Variants in GPM6A observed in about 807,000 individuals in gnomAD.
GPM6A encodes the protein neuronal membrane glycoprotein M6-a.
A neutral mutation model predicts 32.1 loss-of-function variants in GPM6A; 7 were observed. The ratio of observed to expected loss-of-function variants is 0.22; its 90% CI spans 0.12 to 0.41. The LOEUF (loss-of-function observed/expected upper bound fraction) is 0.41. GPM6A is among the 10% of genes least tolerant of loss of function. The probability of loss-of-function intolerance (pLI) is 1.00; values close to 1 mark genes in which losing one functional copy is unlikely to be tolerated. For missense variants in GPM6A, 235 were observed against 347.2 expected, an observed-to-expected ratio of 0.68 and a Z score of 2.57; for synonymous variants, 130 against 123.4, an observed-to-expected ratio of 1.05 and a Z score of -0.35.
At chr4:175,637,718 TATATA>T (rs1228046770) in intron 6 of GPM6A, among the ~76,000 whole-genome samples, 1 of 86,374 alleles carries the variant, frequency 1.2e-5, no homozygotes, top group East Asian at 2.8e-4. Flanking sequence ...TATATATTTA[TATATA>T]ATATATTATA....
At chr4:175,886,991 T>C (rs1414005503) in intron 1 of GPM6A, among the ~76,000 whole-genome samples, 1 of 152,074 alleles carries the variant, frequency 6.6e-6, no homozygotes, top group Non-Finnish European at 1.5e-5. Context: ...ATAGCTAATT[T>C]AATATCACTA....
intron 2 of GPM6A, among the ~76,000 whole-genome samples, chr4:175,690,684 T>C (rs1744247248): frequency 6.6e-6 from 1 of 152,222 alleles, no homozygotes; most frequent in African/African-American, 2.4e-5. Context: ...TGGCTCTCTG[T>C]TCCCCTCTCA....
intron 1 of GPM6A, among the ~76,000 whole-genome samples, chr4:175,895,782 A>AG (rs1446394020): frequency 6.6e-6 from 1 of 152,210 alleles, no homozygotes; most frequent in Non-Finnish European, 1.5e-5. Flanking sequence ...TATACTGTAT[A>AG]TGATGTATGG....
chr4:175,708,996 T>A (rs1178652778), intron 1 of GPM6A, among the ~76,000 whole-genome samples: 1 of 152,224 alleles, frequency 6.6e-6, no homozygotes. Context: ...ACTACTGATC[T>A]AATACGCTGA....
intron 1 of GPM6A, among the ~76,000 whole-genome samples, chr4:175,923,250 C>T (rs559241390): frequency 2.4e-4 from 28 of 115,792 alleles, no homozygotes; most frequent in African/African-American, 8.6e-4. Context: ...TATATATACA[C>T]AACATACAAG....
chr4:175,767,354 G>A (rs753659604), intron 1 of GPM6A, among the ~76,000 whole-genome samples: 5 of 152,196 alleles, frequency 3.3e-5, no homozygotes, highest in Non-Finnish European at 5.9e-5. Flanking sequence ...GGGACAGGAA[G>A]ATGATTTCTC....
chr4:175,921,475 C>T lies in GPM6A; in HGVS notation c.-23+80834G>A, dbSNP rs560587342. 2.5e-3 allele frequency among the ~76,000 whole-genome samples: 383 copies of T among 151,434 alleles called. 2 individuals carry two copies. Among genetic ancestry groups the T allele is most frequent in the Middle Eastern group, 6.8e-3 (2 of 294 alleles). ...TAATCAGAGTCTTTAAGTAAATCCA[C>T]GCATGATCCTGCCAAAAAAAAATCA... is the stretch of plus-strand genomic sequence containing the variant. On this transcript the variant is annotated intron_variant, in intron 1 of 7. Transcript: ENST00000280187.
At chr4:175,847,353 G>A (rs1481309359) in intron 1 of GPM6A, among the ~76,000 whole-genome samples, 1 of 152,098 alleles carries the variant, frequency 6.6e-6, no homozygotes, top group Non-Finnish European at 1.5e-5. Flanking sequence ...AATATTAAAT[G>A]GAAAATTCCA....
intron 1 of GPM6A, among the ~76,000 whole-genome samples, chr4:175,714,243 G>A (rs1424585316): frequency 6.6e-6 from 1 of 152,114 alleles, no homozygotes; most frequent in East Asian, 1.9e-4. Context: ...GGATATGCAT[G>A]TTAATACAAA....
chr4:175,917,899 T>G (rs1738545871), intron 1 of GPM6A, among the ~76,000 whole-genome samples: 1 of 152,152 alleles, frequency 6.6e-6, no homozygotes, highest in African/African-American at 2.4e-5. Context: ...TTATAATAAT[T>G]TTTAAATAAC....
At chr4:175,988,918 A>C (rs7677229) in intron 1 of GPM6A, among the ~76,000 whole-genome samples, 24,858 of 152,142 alleles carry the variant, frequency 0.16, 2,308 homozygotes, top group African/African-American at 0.24. Flanking sequence ...AAACAGTGAG[A>C]TACAGCCATT....
chr4:175,810,855 C>T (rs1270004438), intron 1 of GPM6A, among the ~76,000 whole-genome samples: 1 of 152,070 alleles, frequency 6.6e-6, no homozygotes, highest in African/African-American at 2.4e-5. Flanking sequence ...AAAACTTGGG[C>T]TATTTGTGCA....
chr4:175,846,604 T>C (rs1004899778), intron 1 of GPM6A, among the ~76,000 whole-genome samples: 1 of 152,156 alleles, frequency 6.6e-6, no homozygotes, highest in Non-Finnish European at 1.5e-5. Context: ...TGGTTACATC[T>C]GTATAACTTT....
intron 1 of GPM6A, among the ~76,000 whole-genome samples, chr4:175,960,405 G>A (rs1019641085): frequency 2.0e-5 from 3 of 152,010 alleles, no homozygotes; most frequent in African/African-American, 7.2e-5. Context: ...GAACAAGATG[G>A]GCTAAATCTG....
At chr4:175,886,041 CTA>C (rs1737443912) in intron 1 of GPM6A, among the ~76,000 whole-genome samples, 1 of 151,966 alleles carries the variant, frequency 6.6e-6, no homozygotes, top group Non-Finnish European at 1.5e-5. Flanking sequence ...TAAAGAGATT[CTA>C]TATATAGCTA....
At chr4:175,864,037 A>C (rs1736656063) in intron 1 of GPM6A, among the ~76,000 whole-genome samples, 1 of 152,104 alleles carries the variant, frequency 6.6e-6, no homozygotes, top group African/African-American at 2.4e-5. Context: ...TTTTATCAAT[A>C]CCATTGCCAA....
At chr4:175,733,282 T>C (rs2111147415) in intron 1 of GPM6A, among the ~76,000 whole-genome samples, 1 of 152,246 alleles carries the variant, frequency 6.6e-6, no homozygotes, top group South Asian at 2.1e-4. Flanking sequence ...GGCAGGCGGA[T>C]CATGAGGTCA....
chr4:175,876,067 T>A (rs563598589), intron 1 of GPM6A, among the ~76,000 whole-genome samples: 2 of 152,340 alleles, frequency 1.3e-5, no homozygotes, highest in Admixed American at 1.3e-4. Flanking sequence ...GTCACTTACT[T>A]TCTTCATCCG....
In GPM6A at chr4:175,633,198, A is replaced by G. The variant is rs1579318252; in HGVS notation, c.*1707T>C. On this transcript the variant is annotated 3_prime_UTR_variant, in exon 7 of 7. Coordinates refer to ENST00000393658, the MANE Select transcript of GPM6A (RefSeq NM_201591.3). ...TGTTAAGACACGGAACTGAAATACT[A>G]TAATATAGAATTTAAAGAAGCCCAT... 6.6e-6 allele frequency: 1 copy of G among 152,636 alleles called. No homozygotes were observed. Among genetic ancestry groups the G allele is most frequent in the South Asian group, 2.1e-4 (1 of 4,828 alleles). The allele number at this position is 152,636 out of a possible 1,614,324, so 9.5% of individuals were successfully genotyped here. A position where few individuals can be genotyped will look rare whatever the true frequency, so the allele number is the denominator to read the frequency against.
Sources: allele counts gnomAD v4.1 joint callset (sites outside exome capture counted in the v4.1 genomes callset), GRCh38; gene constraint gnomAD v4.1.1; transcripts MANE v1.5; gene names NCBI Gene and HGNC (gene_info 2026-07-23, HGNC 2026-07-21).